Variants in CTNNB1 observed in about 807,000 individuals in gnomAD.
The protein encoded by CTNNB1 is catenin beta 1.
Under a neutral mutation model 82.5 loss-of-function variants are expected in CTNNB1, and 6 were observed. The ratio of observed to expected loss-of-function variants is 0.07; its 90% confidence interval spans 0.04 to 0.14. CTNNB1 has a LOEUF of 0.14. Ranked by LOEUF, CTNNB1 falls within the 10% of genes least tolerant of loss-of-function variation. The pLI, the probability that CTNNB1 is intolerant of heterozygous loss-of-function variation, is 1.00. For missense variants in CTNNB1, 529 were observed against 980.4 expected, an observed-to-expected ratio of 0.54 and a Z score of 6.15; for synonymous variants, 312 against 329.7, an observed-to-expected ratio of 0.95 and a Z score of 0.58.
intron 1 of CTNNB1, among the ~76,000 whole-genome samples, chr3:41,212,604 C>A (rs1242239783): frequency 1.3e-5 from 2 of 152,168 alleles, no homozygotes; most frequent in East Asian, 3.9e-4. Context: ...CTTTCTGAGA[C>A]AGTGGAAATG....
chr3:41,210,386 G>A (rs931358001), intron 1 of CTNNB1, among the ~76,000 whole-genome samples: 2 of 152,096 alleles, frequency 1.3e-5, no homozygotes, highest in Admixed American at 6.5e-5. Context: ...CCCAGGAGGC[G>A]GAGTTTGCAG....
chr3:41,234,546 TC>T (rs2078388503), intron 10 of CTNNB1: 1 of 513,998 alleles, frequency 1.9e-6, no homozygotes, highest in Non-Finnish European at 3.5e-6. Flanking sequence ...GTTAGGTGTT[TC>T]ATAAAGTGTT....
Position 41,239,730 on chromosome 3 carries a change from TCTCA to T in CTNNB1, c.*389_*392del. The T allele has an allele frequency of 2.7e-6, 1 of 365,990 alleles. No individual in the cohort carries two copies. The highest frequency in any genetic ancestry group is 3.5e-5 in the South Asian group (1 of 28,882). 22.7% of individuals were successfully genotyped at this position (365,990 alleles called of 1,614,324 possible). ...AGAGGGCTCGAGGGGTGGGCTGGTA[TCTCA>T]GAAAGTGCCTGACACACTAACCAAG... is the stretch of plus-strand genomic sequence containing the variant. On this transcript the variant is annotated 3_prime_UTR_variant, in exon 15 of 15. Coordinates refer to ENST00000349496, the MANE Select transcript of CTNNB1 (RefSeq NM_001904.4).
At chr3:41,238,752 C>G (rs917042899) in intron 14 of CTNNB1, among the ~76,000 whole-genome samples, 3 of 152,164 alleles carry the variant, frequency 2.0e-5, no homozygotes, top group Non-Finnish European at 4.4e-5. Context: ...TCATTATTGT[C>G]TTAATCCTCC....
chr3:41,223,433 AAGGTGC>A (rs768036510), intron 1 of CTNNB1, among the ~76,000 whole-genome samples: 106 of 152,270 alleles, frequency 7.0e-4, no homozygotes, highest in Non-Finnish European at 8.7e-4. Flanking sequence ...TTTACTAATA[AAGGTGC>A]TTTTGTGTTG....
chr3:41,220,450 G>A (rs1157179842), intron 1 of CTNNB1: 1 of 125,320 alleles, frequency 8.0e-6, no homozygotes, highest in African/African-American at 3.2e-5. Context: ...TGTGAAGGAA[G>A]AAAGCAGAAA....
chr3:41,212,347 T>C (rs1477276924), intron 1 of CTNNB1, among the ~76,000 whole-genome samples: 1 of 152,166 alleles, frequency 6.6e-6, no homozygotes, highest in Non-Finnish European at 1.5e-5. Flanking sequence ...CCTCCACTTA[T>C]TTTTCTTCTC....
At chr3:41,215,949 A>T (rs995406631) in intron 1 of CTNNB1, among the ~76,000 whole-genome samples, 2 of 152,162 alleles carry the variant, frequency 1.3e-5, no homozygotes, top group African/African-American at 4.8e-5. Flanking sequence ...TGATACCTTT[A>T]TATAAAATTG....
chr3:41,238,343 C>T, intron 14 of CTNNB1: 1 of 438,622 alleles, frequency 2.3e-6, no homozygotes, highest in South Asian at 3.0e-5. Context: ...TTACAATTTA[C>T]CTGGCTTTTT....
rs779572121 is a variant in CTNNB1 at position 41,225,287 on chromosome 3, T to A, written c.496-47T>A. On this transcript the variant is annotated intron_variant, in intron 4 of 14. Transcript: ENST00000349496. This position sits in a 1 kb window ranked among gnomAD's most constrained non-coding sequence, Gnocchi z 5.3. ...GAGTAGTTTCAGAATGTCTACCCAA[T>A]ACCAGTACTTGAAAACTAACGATGT... The A allele has an allele frequency of 6.2e-7, 1 of 1,613,542 alleles. No homozygotes were observed.
At chr3:41,202,164 C>G (rs1004095887) in intron 1 of CTNNB1, among the ~76,000 whole-genome samples, 2 of 152,140 alleles carry the variant, frequency 1.3e-5, no homozygotes, top group Non-Finnish European at 2.9e-5. Flanking sequence ...GTATATTTAG[C>G]CAAATGAAAC....
intron 1 of CTNNB1, among the ~76,000 whole-genome samples, chr3:41,214,308 G>C (rs957495908): frequency 6.6e-6 from 1 of 151,848 alleles, no homozygotes; most frequent in African/African-American, 2.4e-5. Context: ...TTCCAGGTTA[G>C]TCTGATTAAC....
At chr3:41,218,681 G>A (rs567298704) in intron 1 of CTNNB1, among the ~76,000 whole-genome samples, 4 of 152,236 alleles carry the variant, frequency 2.6e-5, no homozygotes, top group South Asian at 4.2e-4. Context: ...GGACTACAGC[G>A]GCATATGCCA....
chr3:41,202,663 CTATT>C lies in CTNNB1; in HGVS notation c.-49+2997_-49+3000del, dbSNP rs144878330. Among the ~76,000 whole-genome samples the C allele has an allele frequency of 9.9e-4, 150 of 152,216 alleles. No homozygotes were observed. In the East Asian group the frequency reaches 0.018, roughly 18 times the overall value. On this transcript the variant is annotated intron_variant, in intron 1 of 14. Coordinates refer to ENST00000349496, the MANE Select transcript of CTNNB1 (RefSeq NM_001904.4). ...GATTCAGTTGTCCTTCTCTAACAGA[CTATT>C]TATGTAATATTGCAGTTGTGATTGT... is the stretch of plus-strand genomic sequence containing the variant.
At chr3:41,206,564 A>G (rs1425090376) in intron 1 of CTNNB1, among the ~76,000 whole-genome samples, 2 of 152,194 alleles carry the variant, frequency 1.3e-5, no homozygotes, top group Non-Finnish European at 2.9e-5. Flanking sequence ...TAGTTGTTGC[A>G]AACTGCTCCT....
chr3:41,223,126 C>T lies in CTNNB1; in HGVS notation c.-48-895C>T, dbSNP rs368556514. 2.2e-4 allele frequency among the ~76,000 whole-genome samples: 33 copies of T among 152,218 alleles called. No individual in the cohort carries two copies. In the South Asian group the frequency reaches 6.6e-3, roughly 31 times the overall value. ...TTAAATATTTTATTCCATATCTTTA[C>T]ATACCCAATATGTTAATTTATAGTT... On this transcript the variant is annotated intron_variant, in intron 1 of 14. Coordinates refer to ENST00000349496, the MANE Select transcript of CTNNB1 (RefSeq NM_001904.4).
At position 41,233,624 on chromosome 3, in the gene CTNNB1, C is replaced by G. The variant is rs780520120; in HGVS notation, c.1281C>G (p.Leu427=). ...VTCAAGILSN[L]TCNNYKNKMM... ...GTGCAGCTGGAATTCTTTCTAACCT[C>G]ACTTGCAATAATTATAAGAACAAGA... The change falls in exon 9 of 15, where the codon CTC becomes CTG. Residue 427 remains leucine, a synonymous_variant. Coordinates refer to ENST00000349496, the MANE Select transcript of CTNNB1 (RefSeq NM_001904.4). The G allele has an allele frequency of 2.5e-6, 4 of 1,614,178 alleles. No homozygotes were observed. The highest frequency in any genetic ancestry group is 3.4e-6 in the Non-Finnish European group (4 of 1,180,042).
chr3:41,240,338 ACCAGTTG>A lies in CTNNB1; in HGVS notation c.*999_*1005del. On this transcript the variant is annotated 3_prime_UTR_variant, in exon 15 of 15. Transcript: ENST00000349496. ...TTTGGAACCTTGTTTTGGACAGTTTACCAGTTGCCTTTTATCCCAAAGTTGTTGTAAC... is the reference window on the plus strand; with the variant it reads ...TTTGGAACCTTGTTTTGGACAGTTTACCTTTTATCCCAAAGTTGTTGTAAC... 5.3e-6 allele frequency: 1 copy of A among 190,090 alleles called. No homozygotes were observed. Among genetic ancestry groups the A allele is most frequent in the Non-Finnish European group, 1.1e-5 (1 of 90,172 alleles). The allele number at this position is 190,090 out of a possible 1,614,324, so 11.8% of individuals were successfully genotyped here.
intron 3 of CTNNB1, 91 bp downstream of exon 3, chr3:41,224,844 T>G (rs747117715): frequency 1.6e-4 from 253 of 1,596,794 alleles, no homozygotes; most frequent in Middle Eastern, 3.5e-4. Context: ...AATAAAATGT[T>G]GTGGTGAAGA....
Sources: gnomAD v4.1 joint callset for allele counts (sites outside exome capture counted in the v4.1 genomes callset) on GRCh38, gnomAD v4.1.1 for gene constraint, Gnocchi (gnomAD v3.1) non-coding constraint, MANE v1.5 for transcripts, NCBI Gene and HGNC (gene_info 2026-07-23, HGNC 2026-07-21) for gene names.